AFTPH: variants seen among roughly 807,000 people sequenced by gnomAD.
AFTPH encodes aftiphilin protein.
Under a neutral mutation model 72.5 loss-of-function variants are expected in AFTPH, and 7 were observed. The ratio of observed to expected loss-of-function variants is 0.10; its 90% confidence interval spans 0.05 to 0.18. The LOEUF (loss-of-function observed/expected upper bound fraction) is 0.18. Among genes scored for constraint, AFTPH ranks in the 10% least tolerant of loss-of-function variants. The pLI, the probability that AFTPH is intolerant of heterozygous loss-of-function variation, is 1.00. For synonymous variants in AFTPH, 337 were observed against 370.1 expected (o/e 0.91, Z 1.03); for missense variants, 979 against 1,060.5 (o/e 0.92, Z 1.07).
chr2:64,552,123 A>C, exon 2 of AFTPH: 1 of 1,614,110 alleles, frequency 6.2e-7, no homozygotes, highest in Non-Finnish European at 8.5e-7. Context: ...CACTCATAGC[A>C]CTGAGTATAA....
At chr2:64,551,369 C>T (rs1233330318) in intron 1 of AFTPH, 74 bp from the exon 2 acceptor site, 2 of 1,208,946 alleles carry the variant, frequency 1.7e-6, no homozygotes, top group Non-Finnish European at 2.3e-6. Context: ...TTTAAAGTAG[C>T]TTTGAGAGAA....
intron 1 of AFTPH, among the ~76,000 whole-genome samples, chr2:64,527,809 T>G (rs1050362816): frequency 6.6e-6 from 1 of 152,234 alleles, no homozygotes; most frequent in African/African-American, 2.4e-5. Flanking sequence ...TTGCCTGGAC[T>G]CTTCCCTATT....
chr2:64,570,754 G>A (rs1672365247), intron 5 of AFTPH, among the ~76,000 whole-genome samples: 1 of 152,064 alleles, frequency 6.6e-6, no homozygotes, highest in Non-Finnish European at 1.5e-5. Flanking sequence ...GCATATTAGG[G>A]GCAGTGACCT....
At chr2:64,568,357 A>G (rs1672214517) in intron 3 of AFTPH, among the ~76,000 whole-genome samples, 1 of 151,852 alleles carries the variant, frequency 6.6e-6, no homozygotes, top group Admixed American at 6.6e-5. Context: ...CTTTTTCATT[A>G]ATGTTTCCCT....
intron 1 of AFTPH, among the ~76,000 whole-genome samples, chr2:64,549,839 A>C (rs1429825408): frequency 1.3e-5 from 2 of 152,194 alleles, no homozygotes; most frequent in Non-Finnish European, 2.9e-5. Context: ...TAAGTTCTAG[A>C]TGTGTTAAAA....
At chr2:64,570,026 A>T (rs1185642437) in intron 5 of AFTPH, among the ~76,000 whole-genome samples, 1 of 152,216 alleles carries the variant, frequency 6.6e-6, no homozygotes, top group Non-Finnish European at 1.5e-5. Flanking sequence ...CATTTATTTT[A>T]ATCCAGTTAT....
At position 64,569,088 on chromosome 2, in the gene AFTPH, G is replaced by GC. The variant is rs1672266347; in HGVS notation, c.2088-3dup. 1 of 1,613,824 alleles carries GC rather than the reference G, an allele frequency of 6.2e-7. No homozygotes were observed. Among genetic ancestry groups the GC allele is most frequent in the Non-Finnish European group, 8.5e-7 (1 of 1,179,896 alleles). On this transcript the variant is annotated splice_polypyrimidine_tract_variant and splice_region_variant and intron_variant, in intron 3 of 8. Coordinates refer to ENST00000238856, the Ensembl canonical transcript of AFTPH. Reference sequence around the variant, plus strand: ...TGTTGATGGCTTCATCATGGCCTTTGCAGGGAATTGCTAGATGTGTGGACT... The same window carrying GC: ...TGTTGATGGCTTCATCATGGCCTTTGCCAGGGAATTGCTAGATGTGTGGACT...
chr2:64,530,352 C>T (rs999668219), intron 1 of AFTPH, among the ~76,000 whole-genome samples: 4 of 152,148 alleles, frequency 2.6e-5, no homozygotes, highest in African/African-American at 9.7e-5. Flanking sequence ...TTCCCCAGTT[C>T]ACCCAAAAAT....
intron 2 of AFTPH, among the ~76,000 whole-genome samples, chr2:64,562,356 A>G (rs868777303): frequency 1.3e-3 from 187 of 148,398 alleles, no homozygotes; most frequent in African/African-American, 4.1e-3. Context: ...TTTTTTTTTA[A>G]TCTGGTGCAC....
intron 1 of AFTPH, among the ~76,000 whole-genome samples, chr2:64,532,343 T>A (rs181658107): frequency 2.3e-4 from 35 of 152,276 alleles, no homozygotes; most frequent in Non-Finnish European, 3.4e-4. Flanking sequence ...AAAATTTTTT[T>A]AAAAAAATCT....
At chr2:64,541,040 T>G (rs1210965722) in intron 1 of AFTPH, among the ~76,000 whole-genome samples, 1 of 152,156 alleles carries the variant, frequency 6.6e-6, no homozygotes, top group African/African-American at 2.4e-5. Flanking sequence ...AACTTGTGAT[T>G]AATTCACCAC....
At chr2:64,566,391 A>G (rs1672093182) in intron 2 of AFTPH, among the ~76,000 whole-genome samples, 1 of 152,144 alleles carries the variant, frequency 6.6e-6, no homozygotes, top group South Asian at 2.1e-4. Context: ...CTTCCAAAAG[A>G]GATTTGGGTT....
exon 2 of AFTPH, chr2:64,551,987 C>T (rs1279854856): frequency 6.2e-7 from 1 of 1,613,676 alleles, no homozygotes; most frequent in Non-Finnish European, 8.5e-7. Context: ...TAGAGAGCTG[C>T]AATGGTGAAA....
chr2:64,524,464 T>A, exon 1 of AFTPH: 1 of 401,916 alleles, frequency 2.5e-6, no homozygotes, highest in Non-Finnish European at 4.4e-6. Context: ...CGGGTGGGCG[T>A]CCATGGTGCT....
Position 64,551,439 on chromosome 2 carries a change from A to T in AFTPH, c.-32-4A>T. On this transcript the variant is annotated splice_polypyrimidine_tract_variant and splice_region_variant and intron_variant, in intron 1 of 8. Coordinates refer to ENST00000238856, the Ensembl canonical transcript of AFTPH. ...TCCAAAAATTCTTTTTTTCTTTTTT[A>T]CAGGTGTAAATTAATTATTTGAAAG... 6.4e-7 allele frequency: 1 copy of T among 1,561,740 alleles called. No homozygotes were observed. Among genetic ancestry groups the T allele is most frequent in the Admixed American group, 2.1e-5 (1 of 48,232 alleles).
chr2:64,585,672 A>G, intron 8 of AFTPH, 127 bp downstream of exon 9: 1 of 1,005,386 alleles, frequency 9.9e-7, no homozygotes, highest in Non-Finnish European at 1.4e-6. Flanking sequence ...AAGTCAGTCG[A>G]TGCCCAAGTC....
At chr2:64,569,285 T>A in intron 4 of AFTPH, 67 bp downstream of exon 4, 1 of 1,540,544 alleles carries the variant, frequency 6.5e-7, no homozygotes, top group Non-Finnish European at 8.8e-7. Flanking sequence ...TCTGTCATAC[T>A]TCTGTTTAAG....
intron 1 of AFTPH, among the ~76,000 whole-genome samples, chr2:64,546,246 A>G (rs971068710): frequency 6.6e-6 from 1 of 152,148 alleles, no homozygotes; most frequent in Non-Finnish European, 1.5e-5. Flanking sequence ...TAATGTTAAC[A>G]GTAATGTACC....
At chr2:64,558,189 C>A (rs770166458) in intron 2 of AFTPH, among the ~76,000 whole-genome samples, 10 of 152,172 alleles carry the variant, frequency 6.6e-5, no homozygotes, top group Non-Finnish European at 1.2e-4. Flanking sequence ...TAATCAACTC[C>A]TGTCCCTAAG....
Sources: allele counts gnomAD v4.1 joint callset (sites outside exome capture counted in the v4.1 genomes callset), GRCh38; gene constraint gnomAD v4.1.1; transcripts MANE v1.5; gene names NCBI Gene and HGNC (gene_info 2026-07-23, HGNC 2026-07-21).